The following KAT6B variants were observed in gnomAD, a reference collection of about 807,000 sequenced individuals.
KAT6B encodes histone acetyltransferase KAT6B.
KAT6B carries 10 observed loss-of-function variants against 187.5 expected under a neutral mutation model. The ratio of observed to expected loss-of-function variants is 0.05; its 90% CI spans 0.03 to 0.09. The LOEUF (loss-of-function observed/expected upper bound fraction) is 0.09, where lower values mean the gene tolerates loss of function less well. Among genes scored for constraint, KAT6B ranks in the 10% least tolerant of loss-of-function variants. KAT6B has a pLI of 1.00. For missense variants in KAT6B, 1,952 were observed against 2,558.9 expected (o/e 0.76, Z 5.12); for synonymous variants, 861 against 926.8 (o/e 0.93, Z 1.29).
At chr10:74,895,732 G>A (rs1564548539) in intron 3 of KAT6B, among the ~76,000 whole-genome samples, 1 of 152,042 alleles carries the variant, frequency 6.6e-6, no homozygotes, top group South Asian at 2.1e-4. Context: ...TAAAGATGAA[G>A]TTTCACCGTG....
chr10:74,890,912 A>G (rs1845605929), intron 3 of KAT6B, among the ~76,000 whole-genome samples: 1 of 152,218 alleles, frequency 6.6e-6, no homozygotes, highest in African/African-American at 2.4e-5. Context: ...TTTCAAAATT[A>G]TATTTGTGTT....
intron 2 of KAT6B, among the ~76,000 whole-genome samples, chr10:74,840,502 C>CAGAGA (rs1488272678): frequency 1.3e-5 from 2 of 152,146 alleles, no homozygotes; most frequent in African/African-American, 4.8e-5. Context: ...TATGGGGTGG[C>CAGAGA]AGATTTTTGC....
At chr10:74,876,963 C>T (rs1408595150) in intron 3 of KAT6B, among the ~76,000 whole-genome samples, 1 of 151,942 alleles carries the variant, frequency 6.6e-6, no homozygotes, top group Non-Finnish European at 1.5e-5. Context: ...TTGTTTGGCC[C>T]TTGTCAGGGA....
At chr10:74,863,661 C>T (rs1011577962) in intron 3 of KAT6B, among the ~76,000 whole-genome samples, 1 of 152,106 alleles carries the variant, frequency 6.6e-6, no homozygotes, top group Non-Finnish European at 1.5e-5. Context: ...AGAATGGATC[C>T]TTAGGAGTTA....
At chr10:74,841,918 G>A (rs1329023850) in intron 2 of KAT6B, among the ~76,000 whole-genome samples, 1 of 152,124 alleles carries the variant, frequency 6.6e-6, no homozygotes, top group Non-Finnish European at 1.5e-5. Flanking sequence ...CTGTCCACCT[G>A]GAATCAGATT....
intron 3 of KAT6B, among the ~76,000 whole-genome samples, chr10:74,875,879 C>T (rs1353842039): frequency 2.0e-5 from 3 of 152,188 alleles, no homozygotes; most frequent in African/African-American, 7.2e-5. Flanking sequence ...TGCATCTTCA[C>T]ACAAATTATC....
intron 4 of KAT6B, among the ~76,000 whole-genome samples, chr10:74,964,220 A>T (rs576523686): frequency 1.1e-3 from 160 of 152,350 alleles, no homozygotes; most frequent in Admixed American, 2.2e-3. Flanking sequence ...CCAAAGCATG[A>T]TTGACCATCC....
Position 74,882,742 on chromosome 10 carries a change from A to C in KAT6B, c.621+39264A>C, listed in dbSNP as rs1220435088. ...TCTTTAAAAGTTAATTTCTTCCCTA[A>C]TGTGTCAGTAAGGAAATTCTATAGT... On this transcript the variant is annotated intron_variant, in intron 3 of 17. Transcript: ENST00000287239. Among the ~76,000 whole-genome samples, 3 of 152,172 alleles carry C rather than the reference A, an allele frequency of 2.0e-5. No individual in the cohort carries two copies. The East Asian group carries it at 5.8e-4, about 29-fold the overall frequency.
intron 1 of KAT6B, among the ~76,000 whole-genome samples, chr10:74,831,459 T>C (rs1350939514): frequency 6.6e-6 from 1 of 152,228 alleles, no homozygotes; most frequent in Non-Finnish European, 1.5e-5. Flanking sequence ...TTAAACAATG[T>C]ATAACTATGA....
intron 16 of KAT6B, 71 bp downstream of exon 16, chr10:75,022,302 C>A: frequency 6.5e-7 from 1 of 1,539,062 alleles, no homozygotes; most frequent in South Asian, 1.1e-5. Flanking sequence ...GACATTCTGT[C>A]TATTAGTATT....
At chr10:74,849,497 T>TG (rs1190054036) in intron 3 of KAT6B, among the ~76,000 whole-genome samples, 1 of 152,008 alleles carries the variant, frequency 6.6e-6, no homozygotes, top group African/African-American at 2.4e-5. Context: ...TTCACCATGT[T>TG]GACCAGGCTG....
At chr10:74,951,139 GT>G (rs1354174172) in intron 3 of KAT6B, among the ~76,000 whole-genome samples, 1 of 129,930 alleles carries the variant, frequency 7.7e-6, no homozygotes, top group East Asian at 2.2e-4. Flanking sequence ...TTTAATTTTT[GT>G]TTCTTTTGAG....
intron 17 of KAT6B, chr10:75,025,566 T>C: frequency 3.3e-6 from 1 of 304,538 alleles, no homozygotes; most frequent in Non-Finnish European, 6.2e-6. Context: ...GATTCTAATA[T>C]GTACTTTTTT....
In KAT6B at chr10:75,028,908, G is replaced by A. The variant is rs775533095; in HGVS notation, c.4084G>A (p.Glu1362Lys). ...GGAAGAGGAGGAGGAGGAGGAAGAGGAAGAAGAGGAAGAAGAGGAAGGGGA... is the reference window on the plus strand; with the variant it reads ...GGAAGAGGAGGAGGAGGAGGAAGAGAAAGAAGAGGAAGAAGAGGAAGGGGA... ...EEEEEEEEEE[E>K]EEEEEEGEEE... is the part of the protein sequence containing the mutation. The change falls in exon 18 of 18, where the codon GAA becomes AAA. Residue 1362 changes from glutamate (E) to lysine (K), a missense_variant. Coordinates refer to ENST00000287239, the MANE Select transcript of KAT6B (RefSeq NM_012330.4). 1.9e-6 allele frequency: 3 copies of A among 1,574,878 alleles called. No homozygotes were observed. The highest frequency in any genetic ancestry group is 2.7e-5 in the African/African-American group (2 of 73,664).
At chr10:74,943,176 A>T (rs571526138) in intron 3 of KAT6B, among the ~76,000 whole-genome samples, 22 of 152,350 alleles carry the variant, frequency 1.4e-4, no homozygotes, top group Middle Eastern at 3.4e-3. Context: ...TTGCATTTCT[A>T]TATGGTAGCA....
intron 3 of KAT6B, among the ~76,000 whole-genome samples, chr10:74,868,408 A>T (rs1224829723): frequency 1.3e-5 from 2 of 152,150 alleles, no homozygotes; most frequent in Non-Finnish European, 2.9e-5. Flanking sequence ...AGGAGGCTTC[A>T]TTTTAAATAA....
intron 3 of KAT6B, among the ~76,000 whole-genome samples, chr10:74,843,692 CAT>C (rs1203138314): frequency 1.3e-5 from 2 of 152,086 alleles, no homozygotes; most frequent in Non-Finnish European, 2.9e-5. Flanking sequence ...ATGGAAGAGT[CAT>C]GTGGTTTGTT....
intron 16 of KAT6B, among the ~76,000 whole-genome samples, chr10:75,023,295 GA>G (rs1445803045): frequency 1.3e-5 from 2 of 152,222 alleles, no homozygotes; most frequent in Non-Finnish European, 2.9e-5. Flanking sequence ...ATCTGTTAGG[GA>G]ACTTGCTGTT....
intron 3 of KAT6B, among the ~76,000 whole-genome samples, chr10:74,940,061 A>C (rs1849552723): frequency 2.0e-5 from 3 of 152,018 alleles, no homozygotes; most frequent in Admixed American, 6.6e-5. Flanking sequence ...AAAGTGTCTT[A>C]ATGAATCTGG....
Sources: allele counts gnomAD v4.1 joint callset (sites outside exome capture counted in the v4.1 genomes callset), GRCh38; gene constraint gnomAD v4.1.1; transcripts MANE v1.5; gene names NCBI Gene and HGNC (gene_info 2026-07-23, HGNC 2026-07-21).